The following ANKIB1 variants were observed in gnomAD, a reference collection of about 807,000 sequenced individuals.
ANKIB1 encodes the protein ankyrin repeat and IBR domain containing 1.
A neutral mutation model predicts 122.1 loss-of-function variants in ANKIB1; 43 were observed. The observed-to-expected ratio is 0.35, with a 90% CI of 0.28 to 0.45. The LOEUF (loss-of-function observed/expected upper bound fraction) is 0.45. ANKIB1 is among the 20% of genes least tolerant of loss of function. The pLI is 1.00. For synonymous variants in ANKIB1, 390 were observed against 442.0 expected, an observed-to-expected ratio of 0.88 and a Z score of 1.48; for missense variants, 992 against 1,329.5, an observed-to-expected ratio of 0.75 and a Z score of 3.95.
Position 92,380,263 on chromosome 7 carries a change from A to G in ANKIB1, c.1618-6246A>G, listed in dbSNP as rs190628924. On this transcript the variant is annotated intron_variant, in intron 11 of 19. Transcript: ENST00000265742. ...ACTGGGTGGAGCCCACCACAGCTCA[A>G]CAAGGCCCCCCTGCTTCTGTAGACT... Among the ~76,000 whole-genome samples the G allele has an allele frequency of 7.2e-5, 11 of 152,288 alleles. No homozygotes were observed. In the East Asian group the frequency reaches 1.9e-3, roughly 27 times the overall value.
At chr7:92,349,482 A>G (rs1803612448) in intron 7 of ANKIB1, among the ~76,000 whole-genome samples, 1 of 152,198 alleles carries the variant, frequency 6.6e-6, no homozygotes, top group South Asian at 2.1e-4. Flanking sequence ...TGAGAGAACT[A>G]AAGAAAAAAG....
intron 10 of ANKIB1, among the ~76,000 whole-genome samples, chr7:92,369,257 C>T (rs981304293): frequency 6.6e-6 from 1 of 152,218 alleles, no homozygotes; most frequent in Non-Finnish European, 1.5e-5. Flanking sequence ...ATCAAACCAT[C>T]TTCTACCAAG....
At chr7:92,350,457 T>C (rs1265281390) in intron 7 of ANKIB1, among the ~76,000 whole-genome samples, 2 of 152,184 alleles carry the variant, frequency 1.3e-5, no homozygotes, top group Non-Finnish European at 2.9e-5. Context: ...TGTATGCATA[T>C]ATATTGATAT....
intron 3 of ANKIB1, among the ~76,000 whole-genome samples, chr7:92,318,518 C>G (rs1802838875): frequency 6.6e-6 from 1 of 152,062 alleles, no homozygotes; most frequent in South Asian, 2.1e-4. Flanking sequence ...AAAACAAAAA[C>G]AAAAATAATC....
intron 1 of ANKIB1, among the ~76,000 whole-genome samples, chr7:92,262,152 A>T (rs930173418): frequency 6.6e-6 from 1 of 152,234 alleles, no homozygotes; most frequent in Non-Finnish European, 1.5e-5. Context: ...GGCAACAGAC[A>T]GTAGACATGG....
intron 11 of ANKIB1, among the ~76,000 whole-genome samples, chr7:92,378,579 C>T (rs1447869007): frequency 6.6e-6 from 1 of 151,180 alleles, no homozygotes; most frequent in Non-Finnish European, 1.5e-5. Context: ...GACCTCATTT[C>T]AAAAGCTAGC....
chr7:92,341,142 TA>T (rs1479274208), intron 5 of ANKIB1, among the ~76,000 whole-genome samples: 5 of 151,826 alleles, frequency 3.3e-5, no homozygotes, highest in African/African-American at 1.2e-4. Flanking sequence ...CTGTCTCTAC[TA>T]AAAAATATGT....
At chr7:92,383,439 A>T (rs1804563758) in intron 11 of ANKIB1, among the ~76,000 whole-genome samples, 1 of 152,202 alleles carries the variant, frequency 6.6e-6, no homozygotes, top group Non-Finnish European at 1.5e-5. Flanking sequence ...GCACAACAAA[A>T]AAAGAGAATT....
rs961845828 is a variant in ANKIB1 at position 92,400,899 on chromosome 7, A to G, written c.*1950A>G. On this transcript the variant is annotated 3_prime_UTR_variant, in exon 20 of 20. Coordinates refer to ENST00000265742, the MANE Select transcript of ANKIB1 (RefSeq NM_019004.2). ...TTTTGGATTAAAAATATCAACACCA[A>G]TAAGTTTTTAGACCAAGTTGTAATT... is the stretch of plus-strand genomic sequence containing the variant. 1.3e-5 allele frequency: 2 copies of G among 152,234 alleles called. No individual in the cohort carries two copies. The highest frequency in any genetic ancestry group is 2.4e-5 in the African/African-American group (1 of 41,464). The allele number at this position is 152,234 out of a possible 1,614,324, so 9.4% of individuals were successfully genotyped here.
intron 5 of ANKIB1, among the ~76,000 whole-genome samples, chr7:92,331,268 C>CTTT (rs1438187815): frequency 7.4e-6 from 1 of 135,740 alleles, no homozygotes; most frequent in African/African-American, 2.7e-5. Context: ...AACATCACTT[C>CTTT]TTTTTTTTTT....
At chr7:92,268,586 T>C (rs1479437509) in intron 1 of ANKIB1, among the ~76,000 whole-genome samples, 1 of 152,138 alleles carries the variant, frequency 6.6e-6, no homozygotes, top group Non-Finnish European at 1.5e-5. Context: ...CAAGCAATCC[T>C]CCCACCTCAG....
At chr7:92,370,868 A>T (rs1804231291) in intron 10 of ANKIB1, among the ~76,000 whole-genome samples, 1 of 152,184 alleles carries the variant, frequency 6.6e-6, no homozygotes, top group South Asian at 2.1e-4. Context: ...TGTCTAGGCA[A>T]GAGGTATGAA....
chr7:92,325,886 G>A (rs965102328), intron 4 of ANKIB1: 10 of 430,810 alleles, frequency 2.3e-5, no homozygotes, highest in African/African-American at 1.2e-4. Flanking sequence ...TTTTATTCAC[G>A]TTTCTTTTTA....
intron 3 of ANKIB1, among the ~76,000 whole-genome samples, chr7:92,312,510 A>G (rs184491814): frequency 6.6e-6 from 1 of 152,324 alleles, no homozygotes; most frequent in East Asian, 1.9e-4. Flanking sequence ...ATACAGAAAC[A>G]AAAGAGAATG....
intron 1 of ANKIB1, among the ~76,000 whole-genome samples, chr7:92,253,432 C>T (rs1357957058): frequency 5.3e-5 from 8 of 152,192 alleles, no homozygotes; most frequent in African/African-American, 1.9e-4. Flanking sequence ...GTGCAACTCT[C>T]TGTTTCCACA....
Position 92,399,132 on chromosome 7 carries a change from T to G in ANKIB1, c.*183T>G. ...TTTTTATTTTAACCTTACAGGGAAT[T>G]TCCTTTGTACTTAATTGAATAGCTT... On this transcript the variant is annotated 3_prime_UTR_variant, in exon 20 of 20. Transcript: ENST00000265742. The G allele has an allele frequency of 1.0e-5, 6 of 577,112 alleles. No homozygotes were observed. Among genetic ancestry groups the G allele is most frequent in the Non-Finnish European group, 1.6e-5 (6 of 375,552 alleles). 35.7% of individuals were successfully genotyped at this position (577,112 alleles called of 1,614,324 possible). A position where few individuals can be genotyped will look rare whatever the true frequency, so the allele number is the denominator to read the frequency against.
In ANKIB1 at chr7:92,400,153, C is replaced by G. The variant is rs1272890374; in HGVS notation, c.*1204C>G. 6.6e-6 allele frequency: 1 copy of G among 152,194 alleles called. No individual in the cohort carries two copies. The highest frequency in any genetic ancestry group is 1.5e-5 in the Non-Finnish European group (1 of 68,028). The allele number at this position is 152,194 out of a possible 1,614,324, so 9.4% of individuals were successfully genotyped here. A position where few individuals can be genotyped will look rare whatever the true frequency, so the allele number is the denominator to read the frequency against. ...ACCCATGGCCTTGCTTTTACACTAA[C>G]TATAACAACTAAATGTTCAATCAGT... On this transcript the variant is annotated 3_prime_UTR_variant, in exon 20 of 20. Coordinates refer to ENST00000265742, the MANE Select transcript of ANKIB1 (RefSeq NM_019004.2).
chr7:92,316,887 G>A (rs541335618), intron 3 of ANKIB1, among the ~76,000 whole-genome samples: 1 of 152,250 alleles, frequency 6.6e-6, no homozygotes, highest in East Asian at 1.9e-4. Context: ...AAGATGATTT[G>A]TCTTGTTTTC....
At chr7:92,361,766 C>A (rs1253711619) in intron 9 of ANKIB1, among the ~76,000 whole-genome samples, 1 of 151,314 alleles carries the variant, frequency 6.6e-6, no homozygotes, top group Non-Finnish European at 1.5e-5. Flanking sequence ...AGTCACCGTG[C>A]CTTACTTTTT....
Sources: allele counts gnomAD v4.1 joint callset (sites outside exome capture counted in the v4.1 genomes callset), GRCh38; gene constraint gnomAD v4.1.1; transcripts MANE v1.5; gene names NCBI Gene and HGNC (gene_info 2026-07-23, HGNC 2026-07-21).